The following STK39 variants were observed in gnomAD, a reference collection of about 807,000 sequenced individuals.
The protein encoded by STK39 is STE20/SPS1-related proline-alanine-rich protein kinase.
Under a neutral mutation model 77.8 loss-of-function variants are expected in STK39, and 20 were observed. That is an observed-to-expected ratio of 0.26 (90% confidence interval 0.18 to 0.37). The LOEUF (loss-of-function observed/expected upper bound fraction) is 0.37. STK39 is among the 10% of genes least tolerant of loss of function. The pLI, the probability that STK39 is intolerant of heterozygous loss-of-function variation, is 1.00. For missense variants in STK39, 479 were observed against 656.5 expected, an observed-to-expected ratio of 0.73 and a Z score of 2.95; for synonymous variants, 246 against 234.1, an observed-to-expected ratio of 1.05 and a Z score of -0.47.
chr2:168,231,346 A>C (rs1690450165), intron 1 of STK39, among the ~76,000 whole-genome samples: 1 of 152,126 alleles, frequency 6.6e-6, no homozygotes, highest in African/African-American at 2.4e-5. Flanking sequence ...ACCAGAAAAT[A>C]ACCACCACCT....
intron 10 of STK39, among the ~76,000 whole-genome samples, chr2:168,099,517 C>T (rs1686764933): frequency 6.6e-6 from 1 of 152,184 alleles, no homozygotes; most frequent in Non-Finnish European, 1.5e-5. Context: ...ATCTAATTAT[C>T]AGAAAGCTTA....
At chr2:167,959,840 C>T (rs1242306577) in intron 17 of STK39, among the ~76,000 whole-genome samples, 1 of 152,088 alleles carries the variant, frequency 6.6e-6, no homozygotes, top group Non-Finnish European at 1.5e-5. Context: ...TGCATGTGTG[C>T]CGACATTACC....
intron 14 of STK39, among the ~76,000 whole-genome samples, chr2:168,023,970 C>A (rs1005884992): frequency 1.3e-5 from 2 of 152,148 alleles, no homozygotes; most frequent in African/African-American, 4.8e-5. Flanking sequence ...GAAGGTGCAG[C>A]TGTTAGTGTC....
chr2:168,136,542 G>A (rs2105521957), intron 8 of STK39, among the ~76,000 whole-genome samples: 1 of 152,202 alleles, frequency 6.6e-6, no homozygotes, highest in South Asian at 2.1e-4. Flanking sequence ...CTGGAATTGT[G>A]TGACATTACA....
intron 8 of STK39, among the ~76,000 whole-genome samples, chr2:168,136,905 C>G (rs1224050578): frequency 6.6e-6 from 1 of 152,114 alleles, no homozygotes; most frequent in Non-Finnish European, 1.5e-5. Context: ...ACAGGTATGA[C>G]AAAATAATCA....
chr2:168,063,470 C>A, intron 14 of STK39, 30 bp downstream of exon 14: 1 of 1,578,710 alleles, frequency 6.3e-7, no homozygotes, highest in Non-Finnish European at 8.6e-7. Context: ...ATAGGAAAAA[C>A]AATGCAGAAT....
chr2:167,964,639 T>C (rs770378715), intron 17 of STK39, 23 bp downstream of exon 17: 2 of 1,596,510 alleles, frequency 1.3e-6, no homozygotes, highest in East Asian at 2.2e-5. Flanking sequence ...ATTACCTCCT[T>C]CTTTCCATAA....
At chr2:167,969,605 A>G (rs1016813102) in intron 16 of STK39, among the ~76,000 whole-genome samples, 1 of 152,192 alleles carries the variant, frequency 6.6e-6, no homozygotes, top group Admixed American at 6.5e-5. Context: ...ACCCAGAAAA[A>G]ATCTTATTCA....
intron 8 of STK39, among the ~76,000 whole-genome samples, chr2:168,130,200 G>A (rs371607074): frequency 3.3e-5 from 5 of 152,328 alleles, no homozygotes; most frequent in Middle Eastern, 3.4e-3. Context: ...TCCACACATC[G>A]TGTCCACGCT....
At chr2:168,010,398 A>G (rs1423575228) in intron 16 of STK39, among the ~76,000 whole-genome samples, 1 of 152,216 alleles carries the variant, frequency 6.6e-6, no homozygotes, top group Non-Finnish European at 1.5e-5. Context: ...AGGTGAACAT[A>G]ATGAATTCTT....
chr2:168,170,954 T>TTC (rs950940726), intron 2 of STK39, among the ~76,000 whole-genome samples: 9 of 152,124 alleles, frequency 5.9e-5, no homozygotes, highest in Admixed American at 5.9e-4. Context: ...AGGTCAAAGA[T>TTC]GGGAGAAACT....
At chr2:168,140,192 G>C (rs188750064) in intron 7 of STK39, 97 bp downstream of exon 7, 3 of 1,042,946 alleles carry the variant, frequency 2.9e-6, no homozygotes, top group Non-Finnish European at 4.4e-6. Flanking sequence ...AATTCTCCTC[G>C]GGTCTAAGAG....
intron 14 of STK39, among the ~76,000 whole-genome samples, chr2:168,018,538 A>AAAAGAAAGAAAAAGAAAGAAAG (rs1553514700): frequency 1.2e-5 from 1 of 85,430 alleles, no homozygotes; most frequent in African/African-American, 5.7e-5. Flanking sequence ...GAAAAGAAAG[A>AAAAGAAAGAAAAAGAAAGAAAG]AAAGAAAGAA....
chr2:168,138,325 CAA>C, intron 7 of STK39, 104 bp from the exon 8 acceptor site: 2 of 1,411,464 alleles, frequency 1.4e-6, no homozygotes, highest in Non-Finnish European at 1.9e-6. Flanking sequence ...TGATTAGATA[CAA>C]AGTGCTTTCC....
Position 168,163,847 on chromosome 2 carries a change from T to C in STK39, c.464A>G (p.Asn155Ser). 6.2e-7 allele frequency: 1 copy of C among 1,613,994 alleles called. No individual in the cohort carries two copies. Among genetic ancestry groups the C allele is most frequent in the Non-Finnish European group, 8.5e-7 (1 of 1,179,934 alleles). The change falls in exon 4 of 18, where the codon AAC (asparagine) becomes AGC (serine). Residue 155 changes from asparagine to serine, a missense_variant. Asn to Ser is a conservative substitution (Grantham distance 46). Coordinates refer to ENST00000355999, the MANE Select transcript of STK39 (RefSeq NM_013233.3). ...AACTCCATTCTTGTGTTCTCCTCGG[T>C]TGACAATGTATTTTATGATATCCAA... ...SMLDIIKYIV[N>S]RGEHKNGVLE...
intron 14 of STK39, among the ~76,000 whole-genome samples, chr2:168,060,341 G>T (rs1037486171): frequency 4.6e-5 from 7 of 152,298 alleles, no homozygotes; most frequent in African/African-American, 1.7e-4. Context: ...GAGCCTTTGG[G>T]AGGTAATTAT....
chr2:168,115,025 T>C (rs1045764699), intron 10 of STK39, among the ~76,000 whole-genome samples: 23 of 151,950 alleles, frequency 1.5e-4, no homozygotes, highest in African/African-American at 5.6e-4. Context: ...GCCCCAAGAG[T>C]TCAGGACCCT....
chr2:168,071,578 C>T (rs1426411958), intron 12 of STK39, among the ~76,000 whole-genome samples: 1 of 152,086 alleles, frequency 6.6e-6, no homozygotes, highest in Non-Finnish European at 1.5e-5. Flanking sequence ...CTATTGATAG[C>T]AACTACAAAA....
At chr2:168,077,470 G>A (rs537455993) in intron 10 of STK39, among the ~76,000 whole-genome samples, 2 of 152,224 alleles carry the variant, frequency 1.3e-5, no homozygotes, top group Admixed American at 1.3e-4. Flanking sequence ...AAAACAAAAT[G>A]TCTAGGATTA....
Sources: allele counts gnomAD v4.1 joint callset (sites outside exome capture counted in the v4.1 genomes callset), GRCh38; gene constraint gnomAD v4.1.1; transcripts MANE v1.5; gene names NCBI Gene and HGNC (gene_info 2026-07-23, HGNC 2026-07-21).